Variants in CTNNA3 observed in about 807,000 individuals in gnomAD.
CTNNA3 encodes the protein catenin alpha-3.
A neutral mutation model predicts 95.7 loss-of-function variants in CTNNA3; 76 were observed. The ratio of observed to expected loss-of-function variants is 0.79; its 90% CI spans 0.66 to 0.96. The LOEUF (loss-of-function observed/expected upper bound fraction) is 0.96, where lower values mean the gene tolerates loss of function less well. Among genes scored for constraint, CTNNA3 ranks in the 40% least tolerant of loss-of-function variants. The pLI is 0.00. For missense variants in CTNNA3, 1,191 were observed against 1,089.8 expected (o/e 1.09, Z -1.31); for synonymous variants, 431 against 374.4 (o/e 1.15, Z -1.74).
intron 11 of CTNNA3, among the ~76,000 whole-genome samples, chr10:66,424,948 C>G (rs1235338662): frequency 6.6e-6 from 1 of 151,970 alleles, no homozygotes; most frequent in Non-Finnish European, 1.5e-5. Context: ...AGACCCATCT[C>G]TATAAAAAAT....
intron 5 of CTNNA3, among the ~76,000 whole-genome samples, chr10:67,460,121 T>C (rs1284262408): frequency 6.6e-6 from 1 of 152,192 alleles, no homozygotes; most frequent in East Asian, 1.9e-4. Flanking sequence ...TTAAATACTG[T>C]ACATATTCAA....
intron 13 of CTNNA3, among the ~76,000 whole-genome samples, chr10:66,238,673 A>C (rs1256968631): frequency 9.4e-6 from 1 of 106,034 alleles, no homozygotes; most frequent in Non-Finnish European, 2.0e-5. Flanking sequence ...AATACTAATA[A>C]ATGTCCAAAT....
intron 3 of CTNNA3, among the ~76,000 whole-genome samples, chr10:67,603,708 T>A (rs994781369): frequency 5.3e-5 from 8 of 152,254 alleles, no homozygotes; most frequent in African/African-American, 1.9e-4. Flanking sequence ...AATCTAAGTA[T>A]TACTACAAAA....
At chr10:66,179,076 C>A (rs2085894245) in intron 13 of CTNNA3, among the ~76,000 whole-genome samples, 2 of 151,908 alleles carry the variant, frequency 1.3e-5, no homozygotes, top group Admixed American at 6.6e-5. Context: ...AAAATAAAAG[C>A]TATGTTCACC....
At chr10:67,046,078 T>C (rs1854726088) in intron 7 of CTNNA3, among the ~76,000 whole-genome samples, 1 of 150,094 alleles carries the variant, frequency 6.7e-6, no homozygotes, top group South Asian at 2.1e-4. Context: ...TGAAATACAA[T>C]AGCTAAGCTT....
chr10:66,855,400 T>G (rs1843651382), intron 7 of CTNNA3, among the ~76,000 whole-genome samples: 1 of 152,012 alleles, frequency 6.6e-6, no homozygotes, highest in African/African-American at 2.4e-5. Flanking sequence ...ATACAAGTTG[T>G]TACAATTAAT....
chr10:67,566,444 A>T (rs1233654139), intron 3 of CTNNA3, among the ~76,000 whole-genome samples: 1 of 152,088 alleles, frequency 6.6e-6, no homozygotes, highest in African/African-American at 2.4e-5. Flanking sequence ...TGGCCATCAG[A>T]GAAATGCAAA....
intron 7 of CTNNA3, among the ~76,000 whole-genome samples, chr10:67,034,083 T>C (rs1853896719): frequency 6.6e-6 from 1 of 152,152 alleles, no homozygotes; most frequent in Non-Finnish European, 1.5e-5. Flanking sequence ...ATACTGCTTC[T>C]TAAAAGGAAA....
chr10:66,687,284 A>T (rs2132522891), intron 9 of CTNNA3, among the ~76,000 whole-genome samples: 1 of 152,228 alleles, frequency 6.6e-6, no homozygotes, highest in East Asian at 1.9e-4. Flanking sequence ...CAAGATATAT[A>T]TGTTGTCCTT....
chr10:65,946,122 C>A (rs1333036843), intron 17 of CTNNA3, among the ~76,000 whole-genome samples: 1 of 152,046 alleles, frequency 6.6e-6, no homozygotes, highest in African/African-American at 2.4e-5. Context: ...CTTTAAGTTG[C>A]AATTTTCATA....
chr10:66,251,634 C>T (rs1023066785), intron 13 of CTNNA3, among the ~76,000 whole-genome samples: 2 of 151,938 alleles, frequency 1.3e-5, no homozygotes, highest in Admixed American at 6.6e-5. Flanking sequence ...TAATATGGCT[C>T]ATATAATAAT....
intron 1 of CTNNA3, among the ~76,000 whole-genome samples, chr10:67,736,198 A>G (rs1001407085): frequency 6.6e-6 from 1 of 152,132 alleles, no homozygotes; most frequent in Admixed American, 6.5e-5. Flanking sequence ...ACACAAAAGG[A>G]TAAGTATTGT....
At chr10:66,026,088 G>C (rs1022395490) in intron 15 of CTNNA3, among the ~76,000 whole-genome samples, 3 of 152,052 alleles carry the variant, frequency 2.0e-5, no homozygotes, top group Non-Finnish European at 4.4e-5. Context: ...AGAACCAGAG[G>C]AACAAAATAA....
At chr10:66,363,786 T>A (rs1385832481) in intron 12 of CTNNA3, among the ~76,000 whole-genome samples, 1 of 152,174 alleles carries the variant, frequency 6.6e-6, no homozygotes, top group Non-Finnish European at 1.5e-5. Context: ...TCACATGAAA[T>A]CTAACCAAGT....
At chr10:66,695,644 G>A (rs1346241097) in intron 9 of CTNNA3, among the ~76,000 whole-genome samples, 3 of 152,112 alleles carry the variant, frequency 2.0e-5, no homozygotes, top group Non-Finnish European at 4.4e-5. Context: ...AGAAGTTGTT[G>A]CAAGGAAAGA....
In CTNNA3 at chr10:67,480,747, G is replaced by C. The variant is rs569814555; in HGVS notation, c.579+41095C>G. 1.4e-4 allele frequency among the ~76,000 whole-genome samples: 22 copies of C among 152,272 alleles called. No homozygotes were observed. In the South Asian group the frequency reaches 4.6e-3, roughly 32 times the overall value. ...GGTCAAACTCTGTTTGAGGCTCTCAGCTCTGAAGGCTGTTAGCTCCCTGAT... is the reference window on the plus strand; with the variant it reads ...GGTCAAACTCTGTTTGAGGCTCTCACCTCTGAAGGCTGTTAGCTCCCTGAT... On this transcript the variant is annotated intron_variant, in intron 5 of 17. Coordinates refer to ENST00000433211, the MANE Select transcript of CTNNA3 (RefSeq NM_013266.4).
intron 5 of CTNNA3, among the ~76,000 whole-genome samples, chr10:67,513,399 G>A (rs1839703908): frequency 6.6e-6 from 1 of 152,208 alleles, no homozygotes; most frequent in African/African-American, 2.4e-5. Context: ...ACTCAAAGAA[G>A]TTCACTCCTT....
intron 14 of CTNNA3, among the ~76,000 whole-genome samples, chr10:66,074,889 G>T (rs932195350): frequency 6.6e-6 from 1 of 151,466 alleles, no homozygotes; most frequent in Non-Finnish European, 1.5e-5. Flanking sequence ...GGAACATATT[G>T]CATGATAAAT....
At chr10:66,024,190 T>C (rs537821322) in intron 15 of CTNNA3, among the ~76,000 whole-genome samples, 7 of 144,752 alleles carry the variant, frequency 4.8e-5, no homozygotes, top group South Asian at 4.6e-4. Context: ...CCCGGGTTCA[T>C]GCCATTCTCC....
Sources: allele counts gnomAD v4.1 joint callset (sites outside exome capture counted in the v4.1 genomes callset), GRCh38; gene constraint gnomAD v4.1.1; transcripts MANE v1.5; gene names NCBI Gene and HGNC (gene_info 2026-07-23, HGNC 2026-07-21).